Variants in AIDA observed in about 807,000 individuals in gnomAD.
AIDA encodes the protein axin interactor, dorsalization-associated protein.
AIDA carries 18 observed loss-of-function variants against 42.7 expected under a neutral mutation model. The ratio of observed to expected loss-of-function variants is 0.42; its 90% CI spans 0.29 to 0.63. The LOEUF (loss-of-function observed/expected upper bound fraction) is 0.63, where lower values mean the gene tolerates loss of function less well. Among genes scored for constraint, AIDA ranks in the 20% least tolerant of loss-of-function variants. AIDA has a pLI of 0.19. For synonymous variants in AIDA, 104 were observed against 122.9 expected (o/e 0.85, Z 1.02); for missense variants, 250 against 354.1 (o/e 0.71, Z 2.36).
intron 2 of AIDA, among the ~76,000 whole-genome samples, chr1:222,696,274 A>G (rs1174392250): frequency 1.3e-5 from 2 of 152,236 alleles, no homozygotes; most frequent in African/African-American, 4.8e-5. Context: ...TTCTACGTAG[A>G]ATCCAATATC....
intron 2 of AIDA, among the ~76,000 whole-genome samples, chr1:222,695,555 A>G (rs1655495725): frequency 6.6e-6 from 1 of 152,222 alleles, no homozygotes; most frequent in Admixed American, 6.5e-5. Flanking sequence ...GGCAAAGACT[A>G]AAGGCAACAT....
chr1:222,683,582 A>C (rs1489222320), intron 6 of AIDA, among the ~76,000 whole-genome samples: 1 of 152,226 alleles, frequency 6.6e-6, no homozygotes, highest in East Asian at 1.9e-4. Context: ...AACTGCTAGG[A>C]CTATTTGAGC....
At chr1:222,681,622 C>A (rs559847119) in intron 6 of AIDA, among the ~76,000 whole-genome samples, 2 of 152,142 alleles carry the variant, frequency 1.3e-5, no homozygotes, top group East Asian at 3.9e-4. Context: ...GAAATTGTAC[C>A]ACTGCACTCC....
In AIDA at chr1:222,703,283, T is replaced by C. The variant is rs1655759940; in HGVS notation, c.111-66A>G. Reference sequence around the variant, plus strand: ...AAACTACTGCAACAAAGTGTAACAATTTAAAGCTTTTTAACATGTGAAGTA... The same window carrying C: ...AAACTACTGCAACAAAGTGTAACAACTTAAAGCTTTTTAACATGTGAAGTA... On this transcript the variant is annotated intron_variant, in intron 1 of 9. Coordinates refer to ENST00000340020, the MANE Select transcript of AIDA (RefSeq NM_022831.4). 24 of 1,217,004 alleles carry C rather than the reference T, an allele frequency of 2.0e-5. No individual in the cohort carries two copies. The Admixed American group carries it at 3.5e-4, about 18-fold the overall frequency. The allele number at this position is 1,217,004 out of a possible 1,614,324, so 75.4% of individuals were successfully genotyped here. A position where few individuals can be genotyped will look rare whatever the true frequency, so the allele number is the denominator to read the frequency against.
At chr1:222,702,123 T>C (rs899409848) in intron 2 of AIDA, among the ~76,000 whole-genome samples, 2 of 152,166 alleles carry the variant, frequency 1.3e-5, no homozygotes, top group Non-Finnish European at 2.9e-5. Flanking sequence ...ATTTTTAAAA[T>C]GCAAATATAC....
chr1:222,687,667 A>C lies in AIDA; in HGVS notation c.290-9T>G, dbSNP rs1229703119. 1 of 1,452,392 alleles carries C rather than the reference A, an allele frequency of 6.9e-7. No homozygotes were observed. The highest frequency in any genetic ancestry group is 9.3e-7 in the Non-Finnish European group (1 of 1,076,006). 90.0% of individuals were successfully genotyped at this position (1,452,392 alleles called of 1,614,324 possible). On this transcript the variant is annotated splice_polypyrimidine_tract_variant and intron_variant, in intron 4 of 9. Transcript: ENST00000340020. ...AAGAATATTCTTTAGGACTAGAATA[A>C]GAAGATAAAGAAACATGAATTCTTC...
intron 2 of AIDA, among the ~76,000 whole-genome samples, chr1:222,699,245 A>G (rs1390890625): frequency 6.6e-6 from 1 of 152,262 alleles, no homozygotes; most frequent in Admixed American, 6.5e-5. Flanking sequence ...AAAGCATAAA[A>G]ATTCCAATTA....
intron 2 of AIDA, among the ~76,000 whole-genome samples, chr1:222,697,069 A>C (rs974422028): frequency 6.6e-6 from 1 of 151,826 alleles, no homozygotes. Context: ...CAGCCTCTCG[A>C]GTAGCTGGGA....
intron 7 of AIDA, among the ~76,000 whole-genome samples, chr1:222,674,510 TA>T (rs1664511320): frequency 6.6e-6 from 1 of 152,140 alleles, no homozygotes; most frequent in African/African-American, 2.4e-5. Flanking sequence ...CCTTTAAATC[TA>T]ACATTATCAG....
chr1:222,685,875 TA>T (rs1430305066), intron 6 of AIDA, among the ~76,000 whole-genome samples: 1 of 152,048 alleles, frequency 6.6e-6, no homozygotes, highest in African/African-American at 2.4e-5. Context: ...AAGAAGTACT[TA>T]TGGCCGGGCG....
chr1:222,708,770 A>G (rs1402374706), intron 1 of AIDA, among the ~76,000 whole-genome samples: 2 of 152,184 alleles, frequency 1.3e-5, no homozygotes, highest in East Asian at 1.9e-4. Flanking sequence ...CCACTCTACC[A>G]TAAGTTAGGG....
intron 6 of AIDA, among the ~76,000 whole-genome samples, chr1:222,684,139 C>T (rs1664700268): frequency 6.6e-6 from 1 of 151,016 alleles, no homozygotes; most frequent in African/African-American, 2.4e-5. Context: ...GAGACGGAGT[C>T]TGGCTGTTGT....
chr1:222,703,584 G>A (rs577539779), intron 1 of AIDA, among the ~76,000 whole-genome samples: 2 of 152,266 alleles, frequency 1.3e-5, no homozygotes, highest in South Asian at 2.1e-4. Flanking sequence ...GGGAGCACCA[G>A]TGATTATACC....
chr1:222,674,796 G>C (rs943290265), intron 7 of AIDA, among the ~76,000 whole-genome samples: 1 of 152,130 alleles, frequency 6.6e-6, no homozygotes, highest in African/African-American at 2.4e-5. Flanking sequence ...ATTTGTCTTA[G>C]AGAACTTAAA....
At chr1:222,683,979 A>T (rs1265675254) in intron 6 of AIDA, among the ~76,000 whole-genome samples, 2 of 152,196 alleles carry the variant, frequency 1.3e-5, no homozygotes, top group Non-Finnish European at 2.9e-5. Flanking sequence ...TTTAAATCAG[A>T]AAAAAACTAT....
At chr1:222,686,439 G>A (rs1655187505) in intron 6 of AIDA, among the ~76,000 whole-genome samples, 1 of 152,178 alleles carries the variant, frequency 6.6e-6, no homozygotes, top group Non-Finnish European at 1.5e-5. Context: ...CACATAATCA[G>A]TCCCCAATAA....
chr1:222,696,629 C>T (rs1010912174), intron 2 of AIDA, among the ~76,000 whole-genome samples: 1 of 152,130 alleles, frequency 6.6e-6, no homozygotes, highest in South Asian at 2.1e-4. Flanking sequence ...GGTGGCAGAC[C>T]AGCAATGCCT....
At chr1:222,689,443 C>T (rs1284744400) in intron 4 of AIDA, among the ~76,000 whole-genome samples, 3 of 137,156 alleles carry the variant, frequency 2.2e-5, no homozygotes, top group African/African-American at 7.9e-5. Flanking sequence ...GTCTCAAAAG[C>T]TGTCTCAAGA....
Position 222,700,706 on chromosome 1 carries a change from G to A in AIDA, c.180+2442C>T, listed in dbSNP as rs1262943250. ...GGAGGCGGAGCTTGCAGTGAGCCGA[G>A]ATAGCGCCACTGCACTCCGGCCTGG... On this transcript the variant is annotated intron_variant, in intron 2 of 9. Transcript: ENST00000340020. Among the ~76,000 whole-genome samples the A allele has an allele frequency of 2.4e-4, 36 of 149,022 alleles. 1 individual carries two copies. Among genetic ancestry groups the A allele is most frequent in the Admixed American group, 5.4e-4 (8 of 14,886 alleles).
Sources: allele counts gnomAD v4.1 joint callset (sites outside exome capture counted in the v4.1 genomes callset), GRCh38; gene constraint gnomAD v4.1.1; transcripts MANE v1.5; gene names NCBI Gene and HGNC (gene_info 2026-07-23, HGNC 2026-07-21).